Variants in NEXMIF observed in about 807,000 individuals in gnomAD.
NEXMIF encodes the protein neurite extension and migration factor.
A neutral mutation model predicts 62.1 loss-of-function variants in NEXMIF; 8 were observed. The ratio of observed to expected loss-of-function variants is 0.13; its 90% CI spans 0.08 to 0.23. The LOEUF (loss-of-function observed/expected upper bound fraction) is 0.23. Among genes scored for constraint, NEXMIF ranks in the 10% least tolerant of loss-of-function variants. The pLI is 1.00. For synonymous variants in NEXMIF, 404 were observed against 416.6 expected (o/e 0.97, Z 0.37); for missense variants, 976 against 1,113.3 (o/e 0.88, Z 1.75).
chrX:74,762,020 G>T (rs2080177919), intron 1 of NEXMIF, among the ~76,000 whole-genome samples: 1 of 110,539 alleles, frequency 9.0e-6, no homozygotes, highest in African/African-American at 3.3e-5. Context: ...CAACGTGCAG[G>T]TTTGTTACAT....
intron 1 of NEXMIF, among the ~76,000 whole-genome samples, chrX:74,868,108 TAA>T (rs1485531312): frequency 2.7e-5 from 3 of 111,828 alleles, no homozygotes; most frequent in Non-Finnish European, 5.6e-5. Flanking sequence ...TGGTGACTAT[TAA>T]AAAGTCAAGA....
chrX:74,849,568 G>A (rs1480668417), intron 1 of NEXMIF, among the ~76,000 whole-genome samples: 1 of 112,417 alleles, frequency 8.9e-6, no homozygotes, highest in Non-Finnish European at 1.9e-5. Flanking sequence ...TGAAAGGCCA[G>A]GCCCCACCAG....
intron 1 of NEXMIF, among the ~76,000 whole-genome samples, chrX:74,845,909 T>C (rs2080490445): frequency 8.9e-6 from 1 of 112,044 alleles, no homozygotes; most frequent in Non-Finnish European, 1.9e-5. Context: ...ACCAAGCACA[T>C]TTCCTTATGC....
intron 1 of NEXMIF, among the ~76,000 whole-genome samples, chrX:74,874,379 T>C (rs2080619163): frequency 9.3e-6 from 1 of 107,842 alleles, no homozygotes; most frequent in Non-Finnish European, 1.9e-5. Flanking sequence ...AGTACCATGC[T>C]GTTTTGGTTA....
intron 1 of NEXMIF, among the ~76,000 whole-genome samples, chrX:74,863,077 C>T (rs2080563860): frequency 9.2e-6 from 1 of 109,215 alleles, no homozygotes; most frequent in Non-Finnish European, 1.9e-5. Context: ...GAGGCTGAGG[C>T]ATGAGAATCA....
chrX:74,911,722 T>A (rs947086160), intron 1 of NEXMIF, among the ~76,000 whole-genome samples: 58 of 112,815 alleles, frequency 5.1e-4, no homozygotes, highest in African/African-American at 1.9e-3. Flanking sequence ...AATCCCACTA[T>A]AGCCCTGGCT....
chrX:74,875,527 G>T (rs1372378034), intron 1 of NEXMIF, among the ~76,000 whole-genome samples: 7 of 111,800 alleles, frequency 6.3e-5, no homozygotes, highest in African/African-American at 1.6e-4. Flanking sequence ...TTAGGGAGGA[G>T]TCCCTCTTTT....
At chrX:74,788,896 T>G (rs1022263776) in intron 1 of NEXMIF, among the ~76,000 whole-genome samples, 1 of 111,437 alleles carries the variant, frequency 9.0e-6, no homozygotes, top group Non-Finnish European at 1.9e-5. Context: ...CATCTAATGG[T>G]CATTTGCAGA....
chrX:74,855,550 G>C (rs2080531920), intron 1 of NEXMIF, among the ~76,000 whole-genome samples: 2 of 111,809 alleles, frequency 1.8e-5, no homozygotes, highest in Non-Finnish European at 1.9e-5. Context: ...CATATTCCTG[G>C]AATTCTCCAT....
chrX:74,789,707 A>C (rs1288226694), intron 1 of NEXMIF, among the ~76,000 whole-genome samples: 605 of 110,038 alleles, frequency 5.5e-3, no homozygotes, highest in Non-Finnish European at 8.6e-3. Flanking sequence ...GTTTTGATTT[A>C]CATTTCTCTG....
intron 1 of NEXMIF, among the ~76,000 whole-genome samples, chrX:74,850,021 G>GC (rs1284452065): frequency 1.8e-5 from 2 of 112,487 alleles, no homozygotes; most frequent in Non-Finnish European, 3.8e-5. Flanking sequence ...CACAGCCAGT[G>GC]CCCACACATA....
chrX:74,824,010 A>T (rs1204983804), intron 1 of NEXMIF, among the ~76,000 whole-genome samples: 2 of 111,279 alleles, frequency 1.8e-5, no homozygotes, highest in Non-Finnish European at 3.8e-5. Context: ...AGTCTTCTCG[A>T]CCAAAGTTTA....
At position 74,846,332 on chromosome X, in the gene NEXMIF, G is replaced by A. The variant is rs897952730; in HGVS notation, c.-48+78551C>T. Among the ~76,000 whole-genome samples, 4 of 112,031 alleles carry A rather than the reference G, an allele frequency of 3.6e-5. No homozygotes were observed. In the Admixed American group the frequency reaches 3.8e-4, roughly 11 times the overall value. ...GGAGATCTATTCTAGTCTGTTCTCA[G>A]TCCTTCCAAATTCTACTTGAATTTT... On this transcript the variant is annotated intron_variant, in intron 1 of 3. Coordinates refer to ENST00000055682, the MANE Select transcript of NEXMIF (RefSeq NM_001008537.3).
intron 1 of NEXMIF, among the ~76,000 whole-genome samples, chrX:74,908,934 C>T (rs1396758364): frequency 8.9e-6 from 1 of 111,796 alleles, no homozygotes; most frequent in Non-Finnish European, 1.9e-5. Flanking sequence ...CCCTCATTTT[C>T]TCTTGCCACC....
intron 1 of NEXMIF, among the ~76,000 whole-genome samples, chrX:74,839,531 C>T (rs1304389499): frequency 9.0e-6 from 1 of 111,697 alleles, no homozygotes; most frequent in Non-Finnish European, 1.9e-5. Flanking sequence ...GCCCAGTACC[C>T]AATAGTTATC....
Position 74,813,998 on chromosome X carries a change from C to A in NEXMIF, c.-47-68301G>T, listed in dbSNP as rs1052487378. On this transcript the variant is annotated intron_variant, in intron 1 of 3. Transcript: ENST00000055682. ...TATCATATCAGTCATGGATACTACT[C>A]CTCAGAACCAGAATTTCTGAATAGA... is the stretch of plus-strand genomic sequence containing the variant. Among the ~76,000 whole-genome samples, 4 of 111,715 alleles carry A rather than the reference C, an allele frequency of 3.6e-5. No homozygotes were observed. In the Admixed American group the frequency reaches 3.8e-4, roughly 11 times the overall value.
At chrX:74,786,380 T>C (rs1216747834) in intron 1 of NEXMIF, among the ~76,000 whole-genome samples, 1 of 111,585 alleles carries the variant, frequency 9.0e-6, no homozygotes, top group African/African-American at 3.3e-5. Flanking sequence ...GAAAAAACCC[T>C]TGATAAAGTG....
chrX:74,742,985 A>G lies in NEXMIF; in HGVS notation c.1572T>C (p.Cys524=). ...GSKEEDDDEW[C]PKKRRKVTRK... ...GGGTTACTTTTCTTCTCTTTTTGGG[A>G]CACCATTCATCATCATCTTCCTCTT... is the stretch of plus-strand genomic sequence containing the variant. Residue 524 remains cysteine, a synonymous_variant, in exon 3 of 4, where the codon TGT becomes TGC. Coordinates refer to ENST00000055682, the MANE Select transcript of NEXMIF (RefSeq NM_001008537.3). 3 of 1,211,036 alleles carry G rather than the reference A, an allele frequency of 2.5e-6. No homozygotes were observed. Among genetic ancestry groups the G allele is most frequent in the Non-Finnish European group, 3.4e-6 (3 of 895,284 alleles).
intron 1 of NEXMIF, among the ~76,000 whole-genome samples, chrX:74,770,965 AAG>A (rs1487350144): frequency 8.9e-6 from 1 of 112,063 alleles, no homozygotes; most frequent in African/African-American, 3.2e-5. Context: ...AATAAAGGCA[AAG>A]AGAATAAAAG....
Sources: gnomAD v4.1 joint callset for allele counts (sites outside exome capture counted in the v4.1 genomes callset) on GRCh38, gnomAD v4.1.1 for gene constraint, MANE v1.5 for transcripts, NCBI Gene and HGNC (gene_info 2026-07-23, HGNC 2026-07-21) for gene names.